The following ZFAT variants were observed in gnomAD, a reference collection of about 807,000 sequenced individuals.
The protein encoded by ZFAT is zinc finger and AT-hook domain containing.
Under a neutral mutation model 117.7 loss-of-function variants are expected in ZFAT, and 64 were observed. The observed-to-expected ratio is 0.54, with a 90% CI of 0.44 to 0.67. The LOEUF is 0.67. ZFAT is among the 30% of genes least tolerant of loss of function. ZFAT has a pLI of 0.00. For synonymous variants in ZFAT, 679 were observed against 615.0 expected (o/e 1.10, Z -1.54); for missense variants, 1,433 against 1,584.5 (o/e 0.90, Z 1.62).
intron 3 of ZFAT, among the ~76,000 whole-genome samples, chr8:134,628,420 T>C (rs923287776): frequency 2.0e-5 from 3 of 152,034 alleles, no homozygotes; most frequent in Admixed American, 6.5e-5. Context: ...AGCAGGTTCT[T>C]AAGGCGCTTA....
chr8:134,515,327 T>C (rs1820175771), intron 13 of ZFAT, among the ~76,000 whole-genome samples: 1 of 152,240 alleles, frequency 6.6e-6, no homozygotes, highest in Non-Finnish European at 1.5e-5. Context: ...ATATGCCCAG[T>C]AATGGGATTG....
intron 11 of ZFAT, among the ~76,000 whole-genome samples, chr8:134,553,837 A>G (rs940007085): frequency 6.6e-6 from 1 of 152,184 alleles, no homozygotes; most frequent in South Asian, 2.1e-4. Context: ...GTGCTTGCCC[A>G]AGGCCACCCA....
At chr8:134,747,447 T>C in the ZFAT span, among the ~76,000 whole-genome samples, 2 of 152,076 alleles carry the variant, frequency 1.3e-5, no homozygotes, top group South Asian at 4.1e-4. Flanking sequence ...TGAAATCTTA[T>C]ATAGATTATT....
chr8:134,618,597 C>T (rs1828901033), intron 3 of ZFAT, among the ~76,000 whole-genome samples: 1 of 152,194 alleles, frequency 6.6e-6, no homozygotes, highest in Admixed American at 6.5e-5. Flanking sequence ...CCTCTGAAAA[C>T]AGAATTTCTG....
chr8:134,690,510 T>C (rs1199778969), intron 1 of ZFAT, among the ~76,000 whole-genome samples: 2 of 152,240 alleles, frequency 1.3e-5, no homozygotes, highest in African/African-American at 4.8e-5. Flanking sequence ...TATGAAAGTC[T>C]GAGATTGGCC....
the ZFAT span, among the ~76,000 whole-genome samples, chr8:134,823,427 G>A: frequency 6.6e-6 from 1 of 152,106 alleles, no homozygotes; most frequent in Non-Finnish European, 1.5e-5. Flanking sequence ...CTGTATGTCA[G>A]GCATTCTTTT....
the ZFAT span, chr8:134,804,953 C>T: frequency 3.4e-5 from 18 of 532,634 alleles, no homozygotes; most frequent in Admixed American, 1.2e-4. Context: ...AACAGACTTT[C>T]TGAACAAGAA....
upstream of ZFAT, among the ~76,000 whole-genome samples, chr8:134,717,043 G>T (rs1055326884): frequency 3.9e-5 from 6 of 152,204 alleles, no homozygotes; most frequent in South Asian, 2.1e-4. Flanking sequence ...CCAGCTAAAA[G>T]GGGGGTTCAA....
chr8:134,678,835 A>G (rs200993050), intron 1 of ZFAT, among the ~76,000 whole-genome samples: 2 of 152,120 alleles, frequency 1.3e-5, no homozygotes, highest in South Asian at 2.1e-4. Context: ...ACAAGCAATG[A>G]GGAAAGGATT....
intron 1 of ZFAT, 45 bp downstream of exon 1, chr8:134,712,800 G>GGCCCCCCCC: frequency 8.8e-7 from 1 of 1,140,186 alleles, no homozygotes; most frequent in Non-Finnish European, 1.2e-6. Context: ...GCCGCGCCGC[G>GGCCCCCCCC]CCCCACCCCC....
intron 12 of ZFAT, among the ~76,000 whole-genome samples, chr8:134,525,746 G>A (rs955029871): frequency 5.3e-5 from 8 of 152,216 alleles, no homozygotes; most frequent in Admixed American, 1.3e-4. Context: ...CCCTGGTGGA[G>A]GCAGAGGAGG....
chr8:134,642,217 G>T (rs891491803), intron 2 of ZFAT, among the ~76,000 whole-genome samples: 1 of 152,210 alleles, frequency 6.6e-6, no homozygotes, highest in Admixed American at 6.5e-5. Context: ...AGTCAAAAAT[G>T]TATCTGCAGA....
intron 1 of ZFAT, among the ~76,000 whole-genome samples, chr8:134,688,303 C>T (rs1222788738): frequency 2.6e-5 from 4 of 152,220 alleles, no homozygotes; most frequent in Non-Finnish European, 5.9e-5. Context: ...CATACACACA[C>T]ATAAAACATA....
intron 11 of ZFAT, among the ~76,000 whole-genome samples, chr8:134,556,932 C>T (rs1394902550): frequency 1.3e-5 from 2 of 151,542 alleles, no homozygotes; most frequent in African/African-American, 4.8e-5. Context: ...TAATTAAATG[C>T]TTTTTTAATT....
chr8:134,480,576 C>T (rs1817226936), intron 15 of ZFAT, among the ~76,000 whole-genome samples: 1 of 152,230 alleles, frequency 6.6e-6, no homozygotes, highest in Non-Finnish European at 1.5e-5. Context: ...CAGTGAATGA[C>T]TGTGCTGTGG....
chr8:134,718,073 A>G, the ZFAT span, among the ~76,000 whole-genome samples: 1 of 152,180 alleles, frequency 6.6e-6, no homozygotes, highest in South Asian at 2.1e-4. Context: ...TTTGTGTTAA[A>G]TTTTAAGGTA....
intron 9 of ZFAT, among the ~76,000 whole-genome samples, chr8:134,585,201 C>G (rs1563633303): frequency 6.6e-6 from 1 of 152,146 alleles, no homozygotes; most frequent in Non-Finnish European, 1.5e-5. Flanking sequence ...CTCACAAGAG[C>G]AGGGCCACAG....
At chr8:134,486,204 A>G (rs1817642926) in intron 15 of ZFAT, among the ~76,000 whole-genome samples, 1 of 152,236 alleles carries the variant, frequency 6.6e-6, no homozygotes, top group African/African-American at 2.4e-5. Context: ...AGCTGCCGCC[A>G]ACGCAGCTGC....
At chr8:134,586,979 G>C (rs764294665) in intron 9 of ZFAT, among the ~76,000 whole-genome samples, 55 of 152,224 alleles carry the variant, frequency 3.6e-4, no homozygotes, top group Non-Finnish European at 7.3e-4. Flanking sequence ...CCAATAACGT[G>C]AGTCAAACAC....
Sources: gnomAD v4.1 joint callset for allele counts (sites outside exome capture counted in the v4.1 genomes callset) on GRCh38, gnomAD v4.1.1 for gene constraint, MANE v1.5 for transcripts, NCBI Gene and HGNC (gene_info 2026-07-23, HGNC 2026-07-21) for gene names.